The following ELAVL2 variants were observed in gnomAD, a reference collection of about 807,000 sequenced individuals.
The protein encoded by ELAVL2 is ELAV like RNA binding protein 2, also known as ELAV-like protein 2.
In ELAVL2, 4 loss-of-function variants were observed where a neutral mutation model predicts 34.6. The ratio of observed to expected loss-of-function variants is 0.12; its 90% CI spans 0.06 to 0.26. The LOEUF is 0.26. Ranked by LOEUF, ELAVL2 falls within the 10% of genes least tolerant of loss-of-function variation. The pLI is 1.00. For synonymous variants in ELAVL2, 193 were observed against 154.8 expected (o/e 1.25, Z -1.83); for missense variants, 432 against 442.8 (o/e 0.98, Z 0.22).
At chr9:23,754,463 T>C (rs2053024467) in intron 2 of ELAVL2, among the ~76,000 whole-genome samples, 1 of 152,106 alleles carries the variant, frequency 6.6e-6, no homozygotes, top group Non-Finnish European at 1.5e-5. Flanking sequence ...TTTTTATTAT[T>C]TTTTTGTGAA....
chr9:23,784,899 T>G (rs1055005956), intron 1 of ELAVL2, among the ~76,000 whole-genome samples: 3 of 152,214 alleles, frequency 2.0e-5, no homozygotes, highest in Non-Finnish European at 4.4e-5. Context: ...AGTACTTCAC[T>G]AGACATTGTG....
At chr9:23,722,222 T>A (rs1024691584) in intron 3 of ELAVL2, among the ~76,000 whole-genome samples, 1 of 152,218 alleles carries the variant, frequency 6.6e-6, no homozygotes, top group Non-Finnish European at 1.5e-5. Context: ...AGACCAATGT[T>A]AACACACATT....
intron 3 of ELAVL2, among the ~76,000 whole-genome samples, chr9:23,720,941 C>G (rs2043538533): frequency 6.6e-6 from 1 of 152,088 alleles, no homozygotes; most frequent in Admixed American, 6.5e-5. Context: ...TTTTAATCAA[C>G]CACCCCACCC....
intron 2 of ELAVL2, among the ~76,000 whole-genome samples, chr9:23,752,286 A>C (rs920824533): frequency 2.0e-5 from 3 of 152,100 alleles, no homozygotes; most frequent in Non-Finnish European, 4.4e-5. Context: ...ATTGGAACCC[A>C]AGTGTAACAA....
rs59133552 is a variant in ELAVL2, at chr9:23,769,023, T to TA, written c.-15-6775dup. 9.7e-3 allele frequency among the ~76,000 whole-genome samples: 1,474 copies of TA among 152,252 alleles called. 25 individuals are homozygous for TA. Among genetic ancestry groups the TA allele is most frequent in the African/African-American group, 0.034 (1,396 of 41,556 alleles). ...GCCTAAACAGAGTGAACTTGGTCTC[T>TA]ACACTTATTTGCAACTAGAAGCTTT... On this transcript the variant is annotated intron_variant, in intron 1 of 6. Coordinates refer to ENST00000397312, the MANE Select transcript of ELAVL2 (RefSeq NM_004432.5).
chr9:23,707,597 G>T (rs1347382383), intron 3 of ELAVL2, among the ~76,000 whole-genome samples: 1 of 152,136 alleles, frequency 6.6e-6, no homozygotes. Flanking sequence ...AGGAGGCAGT[G>T]GAAATGTGGT....
rs199637833 is a variant in ELAVL2 at position 23,699,812 on chromosome 9, GTTTTT to G, written c.713+1562_713+1566del. Among the ~76,000 whole-genome samples the G allele has an allele frequency of 1.3e-3, 110 of 82,880 alleles. 1 individual carries two copies. The highest frequency in any genetic ancestry group is 4.2e-3 in the African/African-American group (96 of 22,842). The allele number at this position is 82,880 out of a possible 152,430, so 54.4% of individuals were successfully genotyped here. ...CCATGGGAAGTCAAAGGTGGCAAAG[GTTTTT>G]TTTTTTTTTTTTTTTTTTTTTTTTT... On this transcript the variant is annotated intron_variant, in intron 5 of 6. Coordinates refer to ENST00000397312, the MANE Select transcript of ELAVL2 (RefSeq NM_004432.5).
rs572034886 is a variant in ELAVL2, at chr9:23,785,655, G to A, written c.-15-23406C>T. 4.6e-5 allele frequency among the ~76,000 whole-genome samples: 7 copies of A among 152,244 alleles called. No individual in the cohort carries two copies. The East Asian group carries it at 9.7e-4, about 21-fold the overall frequency. On this transcript the variant is annotated intron_variant, in intron 1 of 6. Coordinates refer to ENST00000397312, the MANE Select transcript of ELAVL2 (RefSeq NM_004432.5). ...AACCCAAAACTCCCAGTATGAGTACGAATCAGTCACGACATAGAAATCTAG... is the reference window on the plus strand; with the variant it reads ...AACCCAAAACTCCCAGTATGAGTACAAATCAGTCACGACATAGAAATCTAG...
At chr9:23,804,359 G>GA (rs938341202) in intron 1 of ELAVL2, among the ~76,000 whole-genome samples, 6 of 151,922 alleles carry the variant, frequency 3.9e-5, no homozygotes, top group Non-Finnish European at 5.9e-5. Context: ...CACTTTCAAA[G>GA]AAAATACAAA....
intron 1 of ELAVL2, among the ~76,000 whole-genome samples, chr9:23,772,177 G>A (rs912829810): frequency 3.9e-5 from 6 of 152,114 alleles, no homozygotes; most frequent in African/African-American, 7.2e-5. Context: ...CAGCTATCAG[G>A]AACCCCCTCA....
intron 3 of ELAVL2, among the ~76,000 whole-genome samples, chr9:23,713,459 T>G (rs750316291): frequency 1.3e-5 from 2 of 151,994 alleles, no homozygotes; most frequent in African/African-American, 4.8e-5. Flanking sequence ...TCCAATCCTG[T>G]ATATTTCACT....
chr9:23,736,568 G>T (rs952260545), intron 2 of ELAVL2, among the ~76,000 whole-genome samples: 2 of 152,148 alleles, frequency 1.3e-5, no homozygotes, highest in East Asian at 3.9e-4. Context: ...AGGCTTGAAG[G>T]AACTAGCTCA....
intron 1 of ELAVL2, chr9:23,783,463 G>A (rs2059323363): frequency 1.0e-6 from 1 of 985,416 alleles, no homozygotes; most frequent in African/African-American, 1.7e-5. Flanking sequence ...AAGTGGCCAT[G>A]CACTAACCTG....
At chr9:23,765,808 T>G (rs2056121655) in intron 1 of ELAVL2, among the ~76,000 whole-genome samples, 1 of 152,180 alleles carries the variant, frequency 6.6e-6, no homozygotes, top group African/African-American at 2.4e-5. Flanking sequence ...GTCAGCTTTG[T>G]CCCTGAACGA....
chr9:23,734,818 A>T (rs907710188), intron 2 of ELAVL2, among the ~76,000 whole-genome samples: 1 of 151,998 alleles, frequency 6.6e-6, no homozygotes, highest in Non-Finnish European at 1.5e-5. Context: ...CAAGGCAAAC[A>T]TTACAAAAAA....
chr9:23,709,404 A>G (rs73654357), intron 3 of ELAVL2, among the ~76,000 whole-genome samples: 1,696 of 152,230 alleles, frequency 0.011, 49 homozygotes, highest in African/African-American at 0.038. Flanking sequence ...ATCAGTTACC[A>G]AACTAAATTT....
At chr9:23,830,652 G>A (rs1448968222), upstream of ELAVL2, among the ~76,000 whole-genome samples, 1 of 103,364 alleles carries the variant, frequency 9.7e-6, no homozygotes, top group Admixed American at 9.5e-5. Flanking sequence ...CTGGACCAAT[G>A]TATGAGGTTC....
rs2059170308 is a variant in ELAVL2, at chr9:23,782,329, A to G, written c.-15-20080T>C. Reference sequence around the variant, plus strand: ...GCAGAGTCTTAGCATTCTCAAAAACATGCAAGACCAGCCTGGCCAACATGG... The same window carrying G: ...GCAGAGTCTTAGCATTCTCAAAAACGTGCAAGACCAGCCTGGCCAACATGG... On this transcript the variant is annotated intron_variant, in intron 1 of 6. Transcript: ENST00000397312. 1.3e-5 allele frequency among the ~76,000 whole-genome samples: 2 copies of G among 152,136 alleles called. 1 individual carries two copies. Among genetic ancestry groups the G allele is most frequent in the South Asian group, 4.1e-4 (2 of 4,826 alleles).
intron 1 of ELAVL2, among the ~76,000 whole-genome samples, chr9:23,819,403 T>A (rs1449534724): frequency 6.6e-6 from 1 of 152,016 alleles, no homozygotes; most frequent in Non-Finnish European, 1.5e-5. Flanking sequence ...AGAAAAAAGG[T>A]TCCATAGTAA....
Sources: allele counts gnomAD v4.1 joint callset (sites outside exome capture counted in the v4.1 genomes callset), GRCh38; gene constraint gnomAD v4.1.1; transcripts MANE v1.5; gene names NCBI Gene and HGNC (gene_info 2026-07-23, HGNC 2026-07-21).